Variants in ERBB4 observed in about 807,000 individuals in gnomAD.
ERBB4 encodes the protein erb-b2 receptor tyrosine kinase 4, also known as receptor tyrosine-protein kinase erbB-4.
ERBB4 carries 42 observed loss-of-function variants against 158.0 expected under a neutral mutation model. The observed-to-expected ratio is 0.27, with a 90% CI of 0.21 to 0.34. ERBB4 has a LOEUF of 0.34. ERBB4 is among the 10% of genes least tolerant of loss of function. ERBB4 has a pLI of 1.00. For missense variants in ERBB4, 1,333 were observed against 1,624.1 expected, an observed-to-expected ratio of 0.82 and a Z score of 3.08; for synonymous variants, 583 against 558.7, an observed-to-expected ratio of 1.04 and a Z score of -0.61.
intron 20 of ERBB4, among the ~76,000 whole-genome samples, chr2:211,480,292 C>G (rs2065050280): frequency 6.6e-6 from 1 of 152,106 alleles, no homozygotes; most frequent in East Asian, 1.9e-4. Flanking sequence ...GTTTGGCTCT[C>G]TGTCCACACC....
chr2:212,187,850 T>C (rs1415521229), intron 1 of ERBB4, among the ~76,000 whole-genome samples: 2 of 152,150 alleles, frequency 1.3e-5, no homozygotes, highest in East Asian at 1.9e-4. Flanking sequence ...AGTGATGTTA[T>C]GAAATACAAG....
In ERBB4 at chr2:211,383,840, C is replaced by T. The variant is rs1460945524; in HGVS notation, c.3702G>A (p.Lys1234=). ...AGTAGTCAGGGTTGTCAAACGCTTT[C>T]TTGGCCTTCTCTGGCATTGACAGTA... ...NNILSMPEKA[K]KAFDNPDYWN... is the part of the protein sequence containing the mutation. Residue 1234 remains lysine (K), a synonymous_variant, in exon 28 of 28, where the codon AAG becomes AAA. Transcript: ENST00000342788. The T allele has an allele frequency of 6.2e-7, 1 of 1,614,142 alleles. No homozygotes were observed. The highest frequency in any genetic ancestry group is 8.5e-7 in the Non-Finnish European group (1 of 1,180,020).
intron 1 of ERBB4, among the ~76,000 whole-genome samples, chr2:212,519,010 A>C (rs1691998845): frequency 6.6e-6 from 1 of 151,974 alleles, no homozygotes; most frequent in African/African-American, 2.4e-5. Context: ...GTTATATGGG[A>C]CTATTACTAA....
At chr2:212,353,543 C>T (rs1399022104) in intron 1 of ERBB4, among the ~76,000 whole-genome samples, 1 of 151,356 alleles carries the variant, frequency 6.6e-6, no homozygotes, top group Non-Finnish European at 1.5e-5. Context: ...TCCTCTGTAC[C>T]TTCTGAAAAT....
intron 3 of ERBB4, among the ~76,000 whole-genome samples, chr2:211,884,808 G>GA (rs891239998): frequency 6.6e-6 from 1 of 152,040 alleles, no homozygotes; most frequent in Non-Finnish European, 1.5e-5. Context: ...GGGTTAAGTT[G>GA]AAAAAATTAA....
At chr2:212,210,303 T>A (rs2082894983) in intron 1 of ERBB4, among the ~76,000 whole-genome samples, 1 of 149,500 alleles carries the variant, frequency 6.7e-6, no homozygotes, top group Admixed American at 6.7e-5. Context: ...AATTTAGAAA[T>A]AATAAAGGAG....
chr2:211,745,941 A>C (rs1467525625), intron 5 of ERBB4, among the ~76,000 whole-genome samples: 1 of 152,188 alleles, frequency 6.6e-6, no homozygotes, highest in Non-Finnish European at 1.5e-5. Flanking sequence ...GATTAAGAAC[A>C]CTTAGGTTAA....
chr2:211,999,057 C>G (rs1438175449), intron 2 of ERBB4, among the ~76,000 whole-genome samples: 3 of 151,552 alleles, frequency 2.0e-5, no homozygotes, highest in Non-Finnish European at 4.4e-5. Flanking sequence ...TTTAATCAAA[C>G]TAGAACATGT....
intron 19 of ERBB4, among the ~76,000 whole-genome samples, chr2:211,606,225 C>T (rs1156488725): frequency 6.6e-6 from 1 of 151,954 alleles, no homozygotes; most frequent in Non-Finnish European, 1.5e-5. Context: ...GTTAGAAAAC[C>T]CTGCTAGCGG....
intron 1 of ERBB4, among the ~76,000 whole-genome samples, chr2:212,473,543 A>G (rs958273699): frequency 6.6e-6 from 1 of 152,144 alleles, no homozygotes; most frequent in African/African-American, 2.4e-5. Context: ...TTTGTATATC[A>G]TACTACATAA....
At chr2:211,915,771 C>T (rs1048350695) in intron 3 of ERBB4, among the ~76,000 whole-genome samples, 2 of 151,748 alleles carry the variant, frequency 1.3e-5, no homozygotes, top group Non-Finnish European at 2.9e-5. Flanking sequence ...AAGGGGAAAG[C>T]TTTTCCCCTC....
intron 2 of ERBB4, among the ~76,000 whole-genome samples, chr2:212,054,831 T>C (rs2077504689): frequency 6.6e-6 from 1 of 152,184 alleles, no homozygotes; most frequent in African/African-American, 2.4e-5. Context: ...GAGTCCAAGA[T>C]GGCCGAATAG....
chr2:211,803,260 A>C (rs996771996), intron 3 of ERBB4, among the ~76,000 whole-genome samples: 5 of 152,236 alleles, frequency 3.3e-5, no homozygotes, highest in African/African-American at 1.2e-4. Context: ...CATTTTCAAT[A>C]GATTTTAAAA....
chr2:212,018,426 A>G (rs2076575175), intron 2 of ERBB4, among the ~76,000 whole-genome samples: 1 of 152,234 alleles, frequency 6.6e-6, no homozygotes, highest in African/African-American at 2.4e-5. Context: ...ATGTGACCTA[A>G]GGATTCTAGA....
intron 3 of ERBB4, among the ~76,000 whole-genome samples, chr2:211,884,097 G>A (rs2078733187): frequency 6.6e-6 from 1 of 152,062 alleles, no homozygotes; most frequent in Non-Finnish European, 1.5e-5. Flanking sequence ...TTAGAGACTA[G>A]CCTATTCTAA....
intron 2 of ERBB4, among the ~76,000 whole-genome samples, chr2:212,003,567 C>CAG (rs1388931388): frequency 3.3e-5 from 5 of 152,122 alleles, no homozygotes; most frequent in Non-Finnish European, 5.9e-5. Flanking sequence ...ACAAAAGGAT[C>CAG]AGAGGCTACA....
At chr2:211,645,113 T>C (rs1351857587) in intron 16 of ERBB4, among the ~76,000 whole-genome samples, 1 of 151,766 alleles carries the variant, frequency 6.6e-6, no homozygotes. Context: ...AGTATTTAGC[T>C]ATTTGCAAAC....
At chr2:212,175,958 C>A (rs925465096) in intron 1 of ERBB4, among the ~76,000 whole-genome samples, 1 of 151,956 alleles carries the variant, frequency 6.6e-6, no homozygotes, top group Non-Finnish European at 1.5e-5. Context: ...TTCCTCATCA[C>A]CAGTTCTTAT....
intron 14 of ERBB4, among the ~76,000 whole-genome samples, chr2:211,669,390 G>T (rs983293930): frequency 1.3e-5 from 2 of 151,816 alleles, no homozygotes; most frequent in African/African-American, 4.8e-5. Flanking sequence ...CACTTTTATA[G>T]GAATGTATTT....
Sources: allele counts gnomAD v4.1 joint callset (sites outside exome capture counted in the v4.1 genomes callset), GRCh38; gene constraint gnomAD v4.1.1; transcripts MANE v1.5; gene names NCBI Gene and HGNC (gene_info 2026-07-23, HGNC 2026-07-21).